CUL1: variants seen among roughly 807,000 people sequenced by gnomAD.
CUL1 encodes the protein cullin-1.
CUL1 carries 24 observed loss-of-function variants against 118.0 expected under a neutral mutation model. That is an observed-to-expected ratio of 0.20 (90% CI 0.15 to 0.29). CUL1 has a LOEUF of 0.29. Among genes scored for constraint, CUL1 ranks in the 10% least tolerant of loss-of-function variants. CUL1 has a pLI of 1.00. For missense variants in CUL1, 361 were observed against 933.8 expected (o/e 0.39, Z 7.99); for synonymous variants, 332 against 340.4 (o/e 0.98, Z 0.27).
In CUL1 at chr7:148,702,132, G is replaced by A. The variant is rs376609662; in HGVS notation, c.-162+3103G>A. 9.9e-5 allele frequency among the ~76,000 whole-genome samples: 15 copies of A among 152,246 alleles called. No individual in the cohort carries two copies. The South Asian group carries it at 2.7e-3, about 27-fold the overall frequency. On this transcript the variant is annotated intron_variant, in intron 1 of 21. Transcript: ENST00000325222. ...ATAAAAGCCTTATGTTTACTACTGA[G>A]GACATAATTTCCTGTTTATAGGAGG...
intron 1 of CUL1, among the ~76,000 whole-genome samples, chr7:148,714,976 C>T (rs185300511): frequency 2.0e-5 from 3 of 152,308 alleles, no homozygotes; most frequent in Non-Finnish European, 4.4e-5. Flanking sequence ...GCCTGGAACT[C>T]ATGGGCCCAA....
At chr7:148,708,926 G>T (rs1165202152) in intron 1 of CUL1, among the ~76,000 whole-genome samples, 3 of 152,226 alleles carry the variant, frequency 2.0e-5, no homozygotes, top group Non-Finnish European at 4.4e-5. Flanking sequence ...AGGCTAACTT[G>T]TGGAAAACTG....
chr7:148,743,457 G>T (rs1396503639), intron 2 of CUL1, among the ~76,000 whole-genome samples: 2 of 152,170 alleles, frequency 1.3e-5, no homozygotes, highest in Non-Finnish European at 2.9e-5. Flanking sequence ...CAATTTACCA[G>T]TATACCACTG....
intron 14 of CUL1, among the ~76,000 whole-genome samples, chr7:148,789,041 G>A (rs962544550): frequency 6.6e-6 from 1 of 152,158 alleles, no homozygotes; most frequent in African/African-American, 2.4e-5. Flanking sequence ...CTTCAGACTG[G>A]GATTAGGGAT....
chr7:148,769,091 C>T (rs1238073571), intron 9 of CUL1, among the ~76,000 whole-genome samples: 2 of 152,100 alleles, frequency 1.3e-5, no homozygotes, highest in Non-Finnish European at 2.9e-5. Flanking sequence ...GGCCAGGCTG[C>T]CTGCACTCGG....
At chr7:148,725,020 A>G (rs1798515772) in intron 1 of CUL1, among the ~76,000 whole-genome samples, 1 of 152,130 alleles carries the variant, frequency 6.6e-6, no homozygotes, top group African/African-American at 2.4e-5. Context: ...CTTGATTATA[A>G]GATATGGATA....
At chr7:148,723,268 C>CT (rs1798453570) in intron 1 of CUL1, among the ~76,000 whole-genome samples, 1 of 152,198 alleles carries the variant, frequency 6.6e-6, no homozygotes, top group Non-Finnish European at 1.5e-5. Flanking sequence ...TTTGGGCCGT[C>CT]TGTCTGCCGT....
chr7:148,748,759 C>T (rs1799385161), intron 2 of CUL1, among the ~76,000 whole-genome samples: 1 of 152,158 alleles, frequency 6.6e-6, no homozygotes, highest in Non-Finnish European at 1.5e-5. Context: ...TACTTGGCAA[C>T]AAGTCTCATC....
At chr7:148,725,219 G>GTGCACGCGCACACACACACACACACACA (rs1554463797) in intron 1 of CUL1, among the ~76,000 whole-genome samples, 1 of 140,060 alleles carries the variant, frequency 7.1e-6, no homozygotes, top group African/African-American at 2.8e-5. Flanking sequence ...ACACGCGCGC[G>GTGCACGCGCACACACACACACACACACA]CTCACACACA....
chr7:148,769,566 G>A (rs1043640744), intron 9 of CUL1, among the ~76,000 whole-genome samples: 1 of 152,166 alleles, frequency 6.6e-6, no homozygotes, highest in Non-Finnish European at 1.5e-5. Context: ...ATGGGCAGCA[G>A]AGCCAAGTAA....
At chr7:148,768,964 A>T (rs1800108270) in intron 9 of CUL1, among the ~76,000 whole-genome samples, 1 of 152,098 alleles carries the variant, frequency 6.6e-6, no homozygotes, top group African/African-American at 2.4e-5. Context: ...GATGGGAGGG[A>T]ACTGGCTCAG....
chr7:148,746,125 G>C (rs1799303992), intron 2 of CUL1, among the ~76,000 whole-genome samples: 1 of 151,942 alleles, frequency 6.6e-6, no homozygotes, highest in Admixed American at 6.6e-5. Context: ...GGTGGGCTTG[G>C]GGGAGGAAGT....
intron 1 of CUL1, among the ~76,000 whole-genome samples, chr7:148,713,713 G>A (rs1337199555): frequency 6.6e-6 from 1 of 152,110 alleles, no homozygotes; most frequent in Non-Finnish European, 1.5e-5. Flanking sequence ...TAGCATGTGT[G>A]TGTATTTTAT....
Position 148,781,079 on chromosome 7 carries a change from A to ATTTTTTTTTTTTT in CUL1, c.1084-2694_1084-2682dup, listed in dbSNP as rs1197920664. On this transcript the variant is annotated intron_variant, in intron 9 of 21. Coordinates refer to ENST00000325222, the MANE Select transcript of CUL1 (RefSeq NM_003592.3). ...GCTAAATTCACATTTTCAAGGCCAG[A>ATTTTTTTTTTTTT]TTTTTTTTTTTTTTTTTTTTTTGAC... Among the ~76,000 whole-genome samples, 43 of 93,726 alleles carry ATTTTTTTTTTTTT rather than the reference A, an allele frequency of 4.6e-4. 4 individuals are homozygous for ATTTTTTTTTTTTT. The highest frequency in any genetic ancestry group is 1.4e-3 in the African/African-American group (30 of 21,740). The allele number at this position is 93,726 out of a possible 152,430, so 61.5% of individuals were successfully genotyped here. A position where few individuals can be genotyped will look rare whatever the true frequency, so the allele number is the denominator to read the frequency against.
At chr7:148,709,111 C>G (rs1797972894) in intron 1 of CUL1, among the ~76,000 whole-genome samples, 1 of 152,166 alleles carries the variant, frequency 6.6e-6, no homozygotes, top group Non-Finnish European at 1.5e-5. Flanking sequence ...AAAAGTGATT[C>G]TAAAAAGCAT....
intron 9 of CUL1, chr7:148,783,383 G>GGGCTGATGACCGACCTCGGC (rs1368647930): frequency 1.0e-6 from 1 of 985,452 alleles, no homozygotes; most frequent in Non-Finnish European, 1.2e-6. Context: ...CTGCCCAGCC[G>GGGCTGATGACCGACCTCGGC]GGCTGATGAC....
chr7:148,779,643 G>A (rs1002893054), intron 9 of CUL1, among the ~76,000 whole-genome samples: 2 of 152,184 alleles, frequency 1.3e-5, no homozygotes, highest in African/African-American at 2.4e-5. Context: ...GGAAACCAAC[G>A]GAGAGTGATA....
chr7:148,798,750 G>T (rs371340302), intron 20 of CUL1, 73 bp downstream of exon 20: 4 of 1,187,632 alleles, frequency 3.4e-6, no homozygotes, highest in African/African-American at 3.0e-5. Flanking sequence ...CGGGCCGTGG[G>T]GGGTAGGCGG....
At chr7:148,745,026 A>G (rs1416611136) in intron 2 of CUL1, among the ~76,000 whole-genome samples, 2 of 151,580 alleles carry the variant, frequency 1.3e-5, no homozygotes, top group Non-Finnish European at 2.9e-5. Context: ...CGCTTTCAAG[A>G]TTGTTCCCCC....
Sources: gnomAD v4.1 joint callset for allele counts (sites outside exome capture counted in the v4.1 genomes callset) on GRCh38, gnomAD v4.1.1 for gene constraint, MANE v1.5 for transcripts, NCBI Gene and HGNC (gene_info 2026-07-23, HGNC 2026-07-21) for gene names.